SEC11A: variants seen among roughly 807,000 people sequenced by gnomAD.
SEC11A encodes signal peptidase complex catalytic subunit SEC11A.
A neutral mutation model predicts 25.6 loss-of-function variants in SEC11A; 14 were observed. The ratio of observed to expected loss-of-function variants is 0.55; its 90% confidence interval spans 0.36 to 0.85. The LOEUF (loss-of-function observed/expected upper bound fraction) is 0.85. Ranked by LOEUF, SEC11A falls within the 40% of genes least tolerant of loss-of-function variation. SEC11A has a pLI of 0.01. For missense variants in SEC11A, 153 were observed against 222.9 expected, an observed-to-expected ratio of 0.69 and a Z score of 2.00; for synonymous variants, 83 against 76.4, an observed-to-expected ratio of 1.09 and a Z score of -0.45.
At chr15:84,708,790 G>GA (rs5814176) in intron 1 of SEC11A, among the ~76,000 whole-genome samples, 27 of 144,360 alleles carry the variant, frequency 1.9e-4, no homozygotes, top group Admixed American at 4.9e-4. Context: ...CTTATCTCAG[G>GA]AAAAAAAAAA....
intron 4 of SEC11A, chr15:84,673,893 G>C (rs1897067281): frequency 6.6e-6 from 1 of 152,030 alleles, no homozygotes; most frequent in African/African-American, 2.4e-5. Context: ...TGGCGACAGG[G>C]TGAGACTCTG....
Position 84,687,707 on chromosome 15 carries a change from T to A in SEC11A, c.229A>T (p.Ile77Leu). 1 of 1,603,638 alleles carries A rather than the reference T, an allele frequency of 6.2e-7. No homozygotes were observed. Among genetic ancestry groups the A allele is most frequent in the Non-Finnish European group, 8.5e-7 (1 of 1,177,412 alleles). Reference sequence around the variant, plus strand: ...AAAACAACAATTTCTCCCACTCGTATGGGATCTTCAACTCGATTTGTTAGA... The same window carrying A: ...AAAACAACAATTTCTCCCACTCGTAAGGGATCTTCAACTCGATTTGTTAGA... ...LFLTNRVEDP[I>L]RVGEIVVFRI... Residue 77 changes from isoleucine to leucine, a missense_variant, in exon 3 of 6, where the codon ATA (isoleucine) becomes TTA (leucine). Ile to Leu is a conservative substitution (Grantham distance 5, BLOSUM62 2). Transcript: ENST00000268220.
chr15:84,669,915 C>A lies in SEC11A; in HGVS notation c.*104G>T, dbSNP rs1031927486. ...TGCAAACCAGTGCTACCCAGAAGCA[C>A]CAACACGTGTGTTCTCCATTCCACC... On this transcript the variant is annotated 3_prime_UTR_variant, in exon 6 of 6. Coordinates refer to ENST00000268220, the MANE Select transcript of SEC11A (RefSeq NM_014300.4). 1.3e-6 allele frequency: 2 copies of A among 1,587,676 alleles called. No individual in the cohort carries two copies. Among genetic ancestry groups the A allele is most frequent in the African/African-American group, 2.7e-5 (2 of 74,292 alleles).
In SEC11A at chr15:84,669,949, A is replaced by C; in HGVS notation, c.*70T>G. ...GTGTTCTCCATTCCACCAATCACAG[A>C]CCAGTATCTACTCCAAACATCCAGT... On this transcript the variant is annotated 3_prime_UTR_variant, in exon 6 of 6. Coordinates refer to ENST00000268220, the MANE Select transcript of SEC11A (RefSeq NM_014300.4). 6.2e-7 allele frequency: 1 copy of C among 1,609,214 alleles called. No homozygotes were observed.
At chr15:84,689,971 T>G (rs1897554627) in intron 2 of SEC11A, among the ~76,000 whole-genome samples, 1 of 152,136 alleles carries the variant, frequency 6.6e-6, no homozygotes, top group African/African-American at 2.4e-5. Flanking sequence ...AATTAGGTTT[T>G]AAAATCACTA....
Position 84,689,226 on chromosome 15 carries a change from C to T in SEC11A, c.162-1452G>A, listed in dbSNP as rs1276934207. ...GTGTGATGGCACACTCCAGTCTGGG[C>T]GATGGAGGGAGGCCCTGTGTTAAAT... is the stretch of plus-strand genomic sequence containing the variant. On this transcript the variant is annotated intron_variant, in intron 2 of 5. Transcript: ENST00000268220. 5.3e-5 allele frequency among the ~76,000 whole-genome samples: 8 copies of T among 151,580 alleles called. No individual in the cohort carries two copies. In the East Asian group the frequency reaches 7.8e-4, roughly 15 times the overall value.
chr15:84,700,154 T>C (rs1227687574), intron 1 of SEC11A, among the ~76,000 whole-genome samples: 2 of 151,514 alleles, frequency 1.3e-5, no homozygotes, highest in Admixed American at 6.6e-5. Context: ...TCCAAACATA[T>C]CCAGCACCCA....
chr15:84,712,362 T>C (rs990354587), intron 1 of SEC11A, among the ~76,000 whole-genome samples: 1 of 152,132 alleles, frequency 6.6e-6, no homozygotes, highest in Non-Finnish European at 1.5e-5. Flanking sequence ...CTCTCATTCA[T>C]TGCTGGTGAA....
intron 4 of SEC11A, among the ~76,000 whole-genome samples, chr15:84,677,736 G>C (rs1044756123): frequency 7.9e-5 from 12 of 152,156 alleles, no homozygotes; most frequent in African/African-American, 2.9e-4. Flanking sequence ...GCCGCCCAAA[G>C]TGCTGGGATT....
At chr15:84,688,584 TTAAG>T (rs1455007516) in intron 2 of SEC11A, among the ~76,000 whole-genome samples, 2 of 152,148 alleles carry the variant, frequency 1.3e-5, no homozygotes, top group Non-Finnish European at 2.9e-5. Flanking sequence ...TAACAACAGC[TTAAG>T]TAAGAATAGA....
chr15:84,702,532 T>C (rs1025718251), intron 1 of SEC11A, among the ~76,000 whole-genome samples: 4 of 151,974 alleles, frequency 2.6e-5, no homozygotes, highest in African/African-American at 9.7e-5. Context: ...TTCAAACTCC[T>C]GGGCTCAACA....
intron 3 of SEC11A, among the ~76,000 whole-genome samples, chr15:84,684,840 G>A (rs1649810836): frequency 6.6e-6 from 1 of 152,086 alleles, no homozygotes; most frequent in Admixed American, 6.6e-5. Flanking sequence ...GCTGAGGCAG[G>A]AGAATTGCTT....
chr15:84,682,827 T>C (rs1246745208), intron 3 of SEC11A, among the ~76,000 whole-genome samples: 2 of 152,190 alleles, frequency 1.3e-5, no homozygotes, highest in Non-Finnish European at 2.9e-5. Flanking sequence ...AATTTTAAAA[T>C]TTAATTGAAA....
At chr15:84,697,193 T>C (rs550013345) in intron 1 of SEC11A, among the ~76,000 whole-genome samples, 5 of 151,958 alleles carry the variant, frequency 3.3e-5, no homozygotes, top group Non-Finnish European at 4.4e-5. Flanking sequence ...GCCCAGGAGG[T>C]TGAGGCTGTA....
intron 2 of SEC11A, among the ~76,000 whole-genome samples, chr15:84,689,901 C>G (rs1897552788): frequency 6.6e-6 from 1 of 152,172 alleles, no homozygotes; most frequent in South Asian, 2.1e-4. Context: ...AGCCACCACA[C>G]CCAGCCTATA....
chr15:84,693,258 C>T (rs1897662509), intron 1 of SEC11A, among the ~76,000 whole-genome samples: 1 of 151,540 alleles, frequency 6.6e-6, no homozygotes, highest in African/African-American at 2.4e-5. Flanking sequence ...ATATAACAAC[C>T]AAATGTAACG....
rs544620917 is a variant in SEC11A at position 84,701,845 on chromosome 15, G to A, written c.52-10201C>T. Among the ~76,000 whole-genome samples the A allele has an allele frequency of 1.9e-4, 29 of 152,050 alleles. 2 individuals carry two copies. The South Asian group carries it at 5.8e-3, about 31-fold the overall frequency. Reference sequence around the variant, plus strand: ...AGCACATTGGGAGGCCAAGGTGGGCGGATCACAGGTCAAGAGATCGAGACC... The same window carrying A: ...AGCACATTGGGAGGCCAAGGTGGGCAGATCACAGGTCAAGAGATCGAGACC... On this transcript the variant is annotated intron_variant, in intron 1 of 5. Coordinates refer to ENST00000268220, the MANE Select transcript of SEC11A (RefSeq NM_014300.4).
chr15:84,674,412 T>A (rs748939481), intron 4 of SEC11A, among the ~76,000 whole-genome samples: 1 of 152,134 alleles, frequency 6.6e-6, no homozygotes, highest in Non-Finnish European at 1.5e-5. Context: ...ATTAAGCTGC[T>A]AATTCTGATC....
rs1178052868 is a variant in SEC11A, at chr15:84,673,430, G to GAA, written c.432-2650_432-2649dup. 1,279 of 144,172 alleles carry GAA rather than the reference G, an allele frequency of 8.9e-3. 3 individuals carry two copies. The highest frequency in any genetic ancestry group is 0.013 in the Non-Finnish European group (1,002 of 74,454). The allele number at this position is 144,172 out of a possible 1,614,324, so 8.9% of individuals were successfully genotyped here. A position where few individuals can be genotyped will look rare whatever the true frequency, so the allele number is the denominator to read the frequency against. On this transcript the variant is annotated intron_variant, in intron 4 of 5. Transcript: ENST00000268220. ...ACTAAGAAAAATTCTTCTGCCTTGG[G>GAA]AAAAAAAAAAAAAAAAGAACTCCCC...
Sources: gnomAD v4.1 joint callset for allele counts (sites outside exome capture counted in the v4.1 genomes callset) on GRCh38, gnomAD v4.1.1 for gene constraint, MANE v1.5 for transcripts, NCBI Gene and HGNC (gene_info 2026-07-23, HGNC 2026-07-21) for gene names.